The following TLN2 variants were observed in gnomAD, a reference collection of about 807,000 sequenced individuals.
TLN2 encodes the protein talin 2, also known as talin-2.
In TLN2, 118 loss-of-function variants were observed where a neutral mutation model predicts 294.7. The observed-to-expected ratio is 0.40, with a 90% CI of 0.34 to 0.47. The LOEUF (loss-of-function observed/expected upper bound fraction) is 0.47, where lower values mean the gene tolerates loss of function less well. TLN2 is among the 20% of genes least tolerant of loss of function. The pLI is 0.84. For missense variants in TLN2, 3,083 were observed against 3,282.2 expected (o/e 0.94, Z 1.48); for synonymous variants, 1,431 against 1,304.5 (o/e 1.10, Z -2.09).
At chr15:62,712,683 C>G (rs77954923) in intron 22 of TLN2, among the ~76,000 whole-genome samples, 1,953 of 152,250 alleles carry the variant, frequency 0.013, 48 homozygotes, top group African/African-American at 0.044. Context: ...GCCTCAGTTT[C>G]ATCCCCAAAG....
intron 54 of TLN2, chr15:62,833,259 A>G: frequency 2.1e-6 from 1 of 481,354 alleles, no homozygotes; most frequent in Non-Finnish European, 3.7e-6. Flanking sequence ...CCTGAAAGGT[A>G]CCAGCCACAT....
chr15:62,752,518 TAC>T (rs749684520), intron 35 of TLN2, 91 bp downstream of exon 35: 165 of 1,535,700 alleles, frequency 1.1e-4, no homozygotes, highest in Admixed American at 4.0e-4. Flanking sequence ...TTTCTCCAAG[TAC>T]CACCACAGAA....
At chr15:62,595,754 A>C (rs984819248) in intron 2 of TLN2, among the ~76,000 whole-genome samples, 1 of 152,206 alleles carries the variant, frequency 6.6e-6, no homozygotes, top group Non-Finnish European at 1.5e-5. Context: ...CATTTGTAGC[A>C]ACATGGATGA....
At chr15:62,429,232 A>G (rs145710012) in intron 1 of TLN2, among the ~76,000 whole-genome samples, 17 of 152,158 alleles carry the variant, frequency 1.1e-4, no homozygotes, top group Non-Finnish European at 2.2e-4. Context: ...CCTGGTAGCA[A>G]ACTGAGGAGA....
intron 41 of TLN2, among the ~76,000 whole-genome samples, chr15:62,767,299 A>G (rs2063066710): frequency 6.7e-6 from 1 of 150,160 alleles, no homozygotes; most frequent in Non-Finnish European, 1.5e-5. Flanking sequence ...TGCCTTTTTA[A>G]GTGTGGCATA....
In TLN2 at chr15:62,476,150, G is replaced by C. The variant is rs556391254; in HGVS notation, c.-238+85465G>C. Among the ~76,000 whole-genome samples, 8 of 152,276 alleles carry C rather than the reference G, an allele frequency of 5.3e-5. No homozygotes were observed. The East Asian group carries it at 1.5e-3, about 29-fold the overall frequency. ...GCTGGCACCAAAACTGGAGGCAGAG[G>C]GTGCCAGCTGTGTTGCTGCACAGAG... is the stretch of plus-strand genomic sequence containing the variant. On this transcript the variant is annotated intron_variant, in intron 1 of 58. Transcript: ENST00000636159.
chr15:62,447,715 G>T (rs1341346889), intron 1 of TLN2, among the ~76,000 whole-genome samples: 2 of 151,896 alleles, frequency 1.3e-5, no homozygotes, highest in African/African-American at 4.8e-5. Context: ...GGATGGTCTC[G>T]ATCTCCTGAC....
chr15:62,522,967 C>CAT (rs1170399334), intron 1 of TLN2, among the ~76,000 whole-genome samples: 1 of 141,604 alleles, frequency 7.1e-6, no homozygotes, highest in East Asian at 2.4e-4. Flanking sequence ...CACACACACA[C>CAT]ACACACACAC....
chr15:62,794,944 T>G (rs2065355547), intron 46 of TLN2, among the ~76,000 whole-genome samples: 1 of 152,198 alleles, frequency 6.6e-6, no homozygotes, highest in Non-Finnish European at 1.5e-5. Context: ...AGTGGGTGTG[T>G]GCACGCAGAG....
At chr15:62,624,785 AAG>A (rs1189737048) in intron 3 of TLN2, among the ~76,000 whole-genome samples, 1 of 152,198 alleles carries the variant, frequency 6.6e-6, no homozygotes, top group Admixed American at 6.5e-5. Flanking sequence ...AGTAAGGGCA[AAG>A]AGAGTCTTGC....
chr15:62,627,203 G>T (rs1176414285), intron 3 of TLN2, among the ~76,000 whole-genome samples: 1 of 152,210 alleles, frequency 6.6e-6, no homozygotes, highest in Non-Finnish European at 1.5e-5. Context: ...TGGCAAAAGA[G>T]AATTCTTAAG....
At chr15:62,726,541 A>C (rs930561628) in intron 27 of TLN2, among the ~76,000 whole-genome samples, 2 of 151,764 alleles carry the variant, frequency 1.3e-5, no homozygotes, top group African/African-American at 4.8e-5. Context: ...CTCATTTACC[A>C]CTCCAACCCT....
At chr15:62,514,230 T>C (rs2040074280) in intron 1 of TLN2, among the ~76,000 whole-genome samples, 1 of 152,200 alleles carries the variant, frequency 6.6e-6, no homozygotes, top group Admixed American at 6.5e-5. Context: ...TGAACAAAAC[T>C]TTTGAATACA....
chr15:62,494,676 G>A (rs936527482), intron 1 of TLN2, among the ~76,000 whole-genome samples: 3 of 151,870 alleles, frequency 2.0e-5, no homozygotes, highest in Non-Finnish European at 4.4e-5. Flanking sequence ...ATAGGCTTAT[G>A]TCTCTTTCCA....
chr15:62,840,437 T>C, intron 58 of TLN2, 45 bp from the exon 59 acceptor site: 1 of 1,609,474 alleles, frequency 6.2e-7, no homozygotes. Context: ...TCGGAGGGTT[T>C]TCTACAAAGT....
At chr15:62,788,879 G>GA (rs1217456891) in intron 45 of TLN2, among the ~76,000 whole-genome samples, 1 of 152,136 alleles carries the variant, frequency 6.6e-6, no homozygotes, top group African/African-American at 2.4e-5. Context: ...TCAGCCCCCA[G>GA]AATGGGACAT....
chr15:62,701,188 C>T lies in TLN2; in HGVS notation c.1670C>T (p.Thr557Met), dbSNP rs967305788. The change falls in exon 17 of 59, where the codon ACG becomes ATG. Residue 557 changes from threonine to methionine, a missense_variant. Thr to Met is a moderately conservative substitution (Grantham distance 81, BLOSUM62 -1). Transcript: ENST00000636159. ...CAAGTTGATGCTATCACGGCCGGAA[C>T]GGCTTCAGTTGTTAACCTCACAGCT... The part of the protein sequence containing the change: ...HSQVDAITAG[T>M]ASVVNLTAGD... 2.5e-6 allele frequency: 4 copies of T among 1,613,926 alleles called. No individual in the cohort carries two copies. The highest frequency in any genetic ancestry group is 3.4e-6 in the Non-Finnish European group (4 of 1,180,006).
chr15:62,617,597 G>A (rs1212354560), intron 2 of TLN2, among the ~76,000 whole-genome samples: 3 of 152,242 alleles, frequency 2.0e-5, no homozygotes, highest in South Asian at 2.1e-4. Context: ...CCTGATCAGA[G>A]ATGCCATCTC....
intron 1 of TLN2, among the ~76,000 whole-genome samples, chr15:62,522,761 A>G (rs761807430): frequency 1.3e-5 from 2 of 151,290 alleles, no homozygotes; most frequent in Non-Finnish European, 1.5e-5. Context: ...TGAGGACAGG[A>G]CGACTCCCAG....
Sources: gnomAD v4.1 joint callset for allele counts (sites outside exome capture counted in the v4.1 genomes callset) on GRCh38, gnomAD v4.1.1 for gene constraint, MANE v1.5 for transcripts, NCBI Gene and HGNC (gene_info 2026-07-23, HGNC 2026-07-21) for gene names.